TNFRSF1B: variants seen among roughly 807,000 people sequenced by gnomAD.
TNFRSF1B encodes the protein tumor necrosis factor receptor superfamily member 1B.
TNFRSF1B carries 19 observed loss-of-function variants against 44.6 expected under a neutral mutation model. That is an observed-to-expected ratio of 0.43 (90% CI 0.30 to 0.62). TNFRSF1B has a LOEUF of 0.62. Ranked by LOEUF, TNFRSF1B falls within the 20% of genes least tolerant of loss-of-function variation. The pLI, the probability that TNFRSF1B is intolerant of heterozygous loss-of-function variation, is 0.16. For missense variants in TNFRSF1B, 541 were observed against 619.9 expected, an observed-to-expected ratio of 0.87 and a Z score of 1.35; for synonymous variants, 252 against 261.1, an observed-to-expected ratio of 0.97 and a Z score of 0.34.
At chr1:12,188,113 A>G (rs760543254) in intron 1 of TNFRSF1B, among the ~76,000 whole-genome samples, 6 of 152,204 alleles carry the variant, frequency 3.9e-5, no homozygotes, top group Non-Finnish European at 7.4e-5. Context: ...TGCCGGCTCT[A>G]CGGTGGGTCC....
At chr1:12,181,365 C>T (rs369689780) in intron 1 of TNFRSF1B, among the ~76,000 whole-genome samples, 24 of 152,242 alleles carry the variant, frequency 1.6e-4, no homozygotes, top group Admixed American at 9.2e-4. Flanking sequence ...CCCATGGAGC[C>T]CCCAGGAGTC....
At chr1:12,170,201 A>C (rs1230375499) in intron 1 of TNFRSF1B, among the ~76,000 whole-genome samples, 3 of 151,966 alleles carry the variant, frequency 2.0e-5, no homozygotes, top group African/African-American at 4.8e-5. Context: ...TCATTCCCCA[A>C]AGTTCATGGA....
rs1638785060 is a variant in TNFRSF1B, at chr1:12,180,878, T to G, written c.79-7918T>G. Among the ~76,000 whole-genome samples, 1 of 152,218 alleles carries G rather than the reference T, an allele frequency of 6.6e-6. No homozygotes were observed. Among genetic ancestry groups the G allele is most frequent in the Middle Eastern group, 3.2e-3 (1 of 316 alleles). ...CTCACAGACCCCGGCCCCTGGGTTT[T>G]GTCCACTCACCCAGACTCTGTTTTG... is the stretch of plus-strand genomic sequence containing the variant. On this transcript the variant is annotated intron_variant, in intron 1 of 9. Transcript: ENST00000376259. The surrounding 1 kb of genome is among the most constrained non-coding windows in gnomAD (Gnocchi z 4.3).
In TNFRSF1B at chr1:12,191,882, C is replaced by T. The variant is rs765864632; in HGVS notation, c.416C>T (p.Pro139Leu). ...SKQEGCRLCA[P>L]LRKCRPGFGV... ...CAGGAGGGGTGCCGGCTGTGCGCGCCGCTGCGCAAGTGCCGCCCGGGCTTC... is the reference window on the plus strand; with the variant it reads ...CAGGAGGGGTGCCGGCTGTGCGCGCTGCTGCGCAAGTGCCGCCCGGGCTTC... Residue 139 changes from proline (P) to leucine (L), a missense_variant, in exon 4 of 10, where the codon CCG becomes CTG. Pro to Leu is a moderately conservative substitution (Grantham distance 98). Transcript: ENST00000376259. The T allele has an allele frequency of 5.0e-6, 8 of 1,610,674 alleles. No individual in the cohort carries two copies. Among genetic ancestry groups the T allele is most frequent in the Non-Finnish European group, 6.8e-6 (8 of 1,178,990 alleles).
Position 12,206,725 on chromosome 1 carries a change from T to C in TNFRSF1B, c.1106-15T>C, listed in dbSNP as rs778032363. The C allele has an allele frequency of 3.3e-6, 5 of 1,532,376 alleles. No homozygotes were observed. The allele number at this position is 1,532,376 out of a possible 1,614,324, so 94.9% of individuals were successfully genotyped here. ...GACCCCCGGACTGACCCCCACCCCA[T>C]CTTGTGCTTAGCAGATTCTTCCCCT... On this transcript the variant is annotated splice_polypyrimidine_tract_variant and intron_variant, in intron 9 of 9. Coordinates refer to ENST00000376259, the MANE Select transcript of TNFRSF1B (RefSeq NM_001066.3).
intron 1 of TNFRSF1B, among the ~76,000 whole-genome samples, chr1:12,170,115 T>C (rs1197262824): frequency 6.6e-6 from 1 of 152,182 alleles, no homozygotes; most frequent in Non-Finnish European, 1.5e-5. Context: ...GGGTGTGGTC[T>C]GTTGGTCAGG....
In TNFRSF1B at chr1:12,187,739, G is replaced by A. The variant is rs1351370198; in HGVS notation, c.79-1057G>A. On this transcript the variant is annotated intron_variant, in intron 1 of 9. Transcript: ENST00000376259. This position sits in a 1 kb window ranked among gnomAD's most constrained non-coding sequence, Gnocchi z 5.5. ...AGGGTCTTCCAGAAGCAGAGCCTGA[G>A]GCAGGGATCTTTGTGAAAGTGATTT... Among the ~76,000 whole-genome samples, 1 of 152,216 alleles carries A rather than the reference G, an allele frequency of 6.6e-6. No homozygotes were observed. The highest frequency in any genetic ancestry group is 1.5e-5 in the Non-Finnish European group (1 of 68,030).
chr1:12,204,820 A>AC (rs1233052866), intron 9 of TNFRSF1B, among the ~76,000 whole-genome samples: 15 of 152,108 alleles, frequency 9.9e-5, no homozygotes, highest in Middle Eastern at 3.4e-3. Context: ...ACCACCAACA[A>AC]AAAAACCCGT....
chr1:12,179,576 A>G (rs1320483653), intron 1 of TNFRSF1B, among the ~76,000 whole-genome samples: 2 of 151,924 alleles, frequency 1.3e-5, no homozygotes, highest in Non-Finnish European at 2.9e-5. Flanking sequence ...GACCCTGGAG[A>G]CCCTTTTGCC....
chr1:12,184,838 C>T lies in TNFRSF1B; in HGVS notation c.79-3958C>T, dbSNP rs577870383. On this transcript the variant is annotated intron_variant, in intron 1 of 9. Coordinates refer to ENST00000376259, the MANE Select transcript of TNFRSF1B (RefSeq NM_001066.3). ...CTCCCCTGGTTACCCCAAGGGCACT[C>T]GTGGGGATGAAGCCCGCGGGATGCA... Among the ~76,000 whole-genome samples the T allele has an allele frequency of 4.2e-4, 64 of 152,326 alleles. 1 individual carries two copies. Among genetic ancestry groups the T allele is most frequent in the Admixed American group, 3.6e-3 (55 of 15,304 alleles).
At chr1:12,190,126 G>T (rs1639079642) in intron 2 of TNFRSF1B, among the ~76,000 whole-genome samples, 1 of 152,148 alleles carries the variant, frequency 6.6e-6, no homozygotes, top group Admixed American at 6.5e-5. Flanking sequence ...ATGAGTACCT[G>T]TCACCGTCCC....
intron 1 of TNFRSF1B, among the ~76,000 whole-genome samples, chr1:12,175,172 A>G (rs998603018): frequency 2.0e-5 from 3 of 152,202 alleles, no homozygotes; most frequent in African/African-American, 7.2e-5. Context: ...TTTCAGGAGC[A>G]AGGCCAGAGG....
intron 1 of TNFRSF1B, among the ~76,000 whole-genome samples, chr1:12,176,961 G>T (rs560648334): frequency 4.3e-4 from 66 of 152,116 alleles, no homozygotes; most frequent in African/African-American, 1.5e-3. Context: ...TCTGGCCTTA[G>T]CTCTGCCTGT....
At position 12,183,719 on chromosome 1, in the gene TNFRSF1B, A is replaced by AT. The variant is rs1553163452; in HGVS notation, c.79-5077_79-5076insT. Among the ~76,000 whole-genome samples the AT allele has an allele frequency of 5.4e-3, 567 of 104,666 alleles. 23 individuals are homozygous for AT. The highest frequency in any genetic ancestry group is 0.011 in the Middle Eastern group (2 of 176). The allele number at this position is 104,666 out of a possible 152,430, so 68.7% of individuals were successfully genotyped here. ...ATCTATCTATCTATCTATTCTATCT[A>AT]CCTATCTATCTATCTATCTATCTAT... On this transcript the variant is annotated intron_variant, in intron 1 of 9. Transcript: ENST00000376259.
chr1:12,201,094 A>C (rs750922154), intron 8 of TNFRSF1B, among the ~76,000 whole-genome samples: 16 of 151,970 alleles, frequency 1.1e-4, no homozygotes, highest in Non-Finnish European at 1.8e-4. Context: ...CTCTACAAAC[A>C]ATCGACAACA....
rs1210943750 is a variant in TNFRSF1B, at chr1:12,177,213, G to A, written c.78+10044G>A. Among the ~76,000 whole-genome samples the A allele has an allele frequency of 6.6e-6, 1 of 152,122 alleles. No homozygotes were observed. Among genetic ancestry groups the A allele is most frequent in the African/African-American group, 2.4e-5 (1 of 41,428 alleles). On this transcript the variant is annotated intron_variant, in intron 1 of 9. Coordinates refer to ENST00000376259, the MANE Select transcript of TNFRSF1B (RefSeq NM_001066.3). This position sits in a 1 kb window ranked among gnomAD's most constrained non-coding sequence, Gnocchi z 4.3. Reference sequence around the variant, plus strand: ...GTAGAGATGGTGTTTCGCCATGTTGGCCCGGCTGGTCTTGAACTCCTGACC... The same window carrying A: ...GTAGAGATGGTGTTTCGCCATGTTGACCCGGCTGGTCTTGAACTCCTGACC...
intron 8 of TNFRSF1B, among the ~76,000 whole-genome samples, chr1:12,197,934 G>A (rs1211731113): frequency 6.6e-6 from 1 of 152,088 alleles, no homozygotes; most frequent in East Asian, 1.9e-4. Flanking sequence ...GACCATCCTG[G>A]CTAACACAGT....
chr1:12,194,653 C>T lies in TNFRSF1B; in HGVS notation c.900+35C>T. On this transcript the variant is annotated intron_variant, in intron 8 of 9. Transcript: ENST00000376259. The stretch of plus-strand genomic sequence containing the variant: ...TCCACTGCCCTCTCCCCCTCTTCCC[C>T]TGGTCTCCTTCCCGGCGTGCTGGGC... 5.0e-6 allele frequency: 8 copies of T among 1,613,636 alleles called. 1 individual carries two copies. In the South Asian group the frequency reaches 7.7e-5, roughly 16 times the overall value.
At position 12,178,138 on chromosome 1, in the gene TNFRSF1B, G is replaced by A. The variant is rs773205963; in HGVS notation, c.79-10658G>A. On this transcript the variant is annotated intron_variant, in intron 1 of 9. Transcript: ENST00000376259. The surrounding 1 kb of genome is among the most constrained non-coding windows in gnomAD (Gnocchi z 4.3). ...CTCAGTCTGCTGCTCTGAGGACGCC[G>A]CCCCCTCTCTTTGTAAGTCCATTTC... Among the ~76,000 whole-genome samples the A allele has an allele frequency of 9.2e-5, 14 of 152,196 alleles. No homozygotes were observed. The highest frequency in any genetic ancestry group is 2.7e-4 in the African/African-American group (11 of 41,456).
Sources: gnomAD v4.1 joint callset for allele counts (sites outside exome capture counted in the v4.1 genomes callset) on GRCh38, gnomAD v4.1.1 for gene constraint, Gnocchi (gnomAD v3.1) non-coding constraint, MANE v1.5 for transcripts, NCBI Gene and HGNC (gene_info 2026-07-23, HGNC 2026-07-21) for gene names.